HHAT: variants seen among roughly 807,000 people sequenced by gnomAD.
HHAT encodes hedgehog acyltransferase.
A neutral mutation model predicts 70.8 loss-of-function variants in HHAT; 47 were observed. That is an observed-to-expected ratio of 0.66 (90% CI 0.53 to 0.85). HHAT has a LOEUF of 0.85. Among genes scored for constraint, HHAT ranks in the 40% least tolerant of loss-of-function variants. The pLI, the probability that HHAT is intolerant of heterozygous loss-of-function variation, is 0.00. For synonymous variants in HHAT, 228 were observed against 247.6 expected, an observed-to-expected ratio of 0.92 and a Z score of 0.74; for missense variants, 609 against 604.8, an observed-to-expected ratio of 1.01 and a Z score of -0.07.
At chr1:210,629,005 C>T (rs1670372361) in intron 11 of HHAT, among the ~76,000 whole-genome samples, 1 of 152,178 alleles carries the variant, frequency 6.6e-6, no homozygotes, top group African/African-American at 2.4e-5. Flanking sequence ...TCACTGCTAT[C>T]ATTGATTGTG....
At chr1:210,368,318 A>T (rs988496989) in intron 3 of HHAT, among the ~76,000 whole-genome samples, 1 of 152,078 alleles carries the variant, frequency 6.6e-6, no homozygotes, top group African/African-American at 2.4e-5. Context: ...AAAAAAATGT[A>T]TGTATTTTTT....
At chr1:210,462,397 T>C (rs2093997507) in intron 7 of HHAT, 2 of 152,228 alleles carry the variant, frequency 1.3e-5, no homozygotes, top group Admixed American at 6.5e-5. Context: ...AGCCTAGTGG[T>C]TCATTTTGCA....
chr1:210,357,892 A>G (rs6540589), intron 2 of HHAT, among the ~76,000 whole-genome samples: 41,543 of 152,116 alleles, frequency 0.27, 7,330 homozygotes, highest in African/African-American at 0.51. Flanking sequence ...GTATCATGTG[A>G]AACTTACATT....
intron 4 of HHAT, 40 bp downstream of exon 4, chr1:210,387,621 C>G (rs371842179): frequency 8.0e-6 from 12 of 1,499,586 alleles, no homozygotes; most frequent in Non-Finnish European, 1.0e-5. Flanking sequence ...GTGTGTTTTT[C>G]CTTTGCTTCT....
chr1:210,497,014 T>C (rs1474500864), intron 8 of HHAT, among the ~76,000 whole-genome samples: 1 of 152,232 alleles, frequency 6.6e-6, no homozygotes, highest in African/African-American at 2.4e-5. Context: ...TTACAGAATA[T>C]GTTACAGGGG....
At chr1:210,521,154 T>C (rs1386039761) in intron 9 of HHAT, among the ~76,000 whole-genome samples, 5 of 152,230 alleles carry the variant, frequency 3.3e-5, no homozygotes, top group African/African-American at 4.8e-5. Flanking sequence ...ATTCAGTTCA[T>C]ACAAATGCCA....
At chr1:210,555,216 C>T (rs965025331) in intron 9 of HHAT, among the ~76,000 whole-genome samples, 3 of 152,186 alleles carry the variant, frequency 2.0e-5, no homozygotes, top group African/African-American at 7.2e-5. Flanking sequence ...ACAGAGGCTA[C>T]CTCCTTGCCA....
intron 9 of HHAT, among the ~76,000 whole-genome samples, chr1:210,583,430 G>C (rs1234402797): frequency 6.6e-6 from 1 of 152,114 alleles, no homozygotes; most frequent in Non-Finnish European, 1.5e-5. Flanking sequence ...TCTTCCATTG[G>C]GAAATCAATT....
intron 7 of HHAT, among the ~76,000 whole-genome samples, chr1:210,427,947 A>G (rs2093117410): frequency 6.6e-6 from 1 of 151,928 alleles, no homozygotes; most frequent in South Asian, 2.1e-4. Context: ...AAAGTCTCTA[A>G]GAACTTGTTT....
At chr1:210,555,097 C>A (rs1172750738) in intron 9 of HHAT, among the ~76,000 whole-genome samples, 2 of 152,056 alleles carry the variant, frequency 1.3e-5, no homozygotes, top group African/African-American at 4.8e-5. Flanking sequence ...AAGGGGGATC[C>A]CCTCAAGGAA....
At chr1:210,513,306 C>A in intron 9 of HHAT, 118 bp downstream of exon 9, 1 of 566,922 alleles carries the variant, frequency 1.8e-6, no homozygotes, top group Non-Finnish European at 3.1e-6. Context: ...ATATACTTGT[C>A]AAGAAAACAT....
At chr1:210,451,213 G>A (rs980284146) in intron 7 of HHAT, among the ~76,000 whole-genome samples, 5 of 152,074 alleles carry the variant, frequency 3.3e-5, no homozygotes, top group East Asian at 1.9e-4. Context: ...CTGGGTCGCC[G>A]CTGATCTTTG....
intron 9 of HHAT, among the ~76,000 whole-genome samples, chr1:210,583,596 C>T (rs1231574058): frequency 6.6e-6 from 1 of 152,178 alleles, no homozygotes; most frequent in Non-Finnish European, 1.5e-5. Flanking sequence ...CACGTACTGT[C>T]TTCTATAAAT....
chr1:210,577,736 T>C (rs1184110278), intron 9 of HHAT, among the ~76,000 whole-genome samples: 2 of 140,512 alleles, frequency 1.4e-5, no homozygotes, highest in Non-Finnish European at 3.0e-5. Context: ...CAACCTTGCC[T>C]CCTGAGTTCA....
In HHAT at chr1:210,348,981, G is replaced by T; in HGVS notation, c.6G>T (p.Leu2=). The T allele has an allele frequency of 1.2e-6, 2 of 1,613,940 alleles. No individual in the cohort carries two copies. Among genetic ancestry groups the T allele is most frequent in the Non-Finnish European group, 1.7e-6 (2 of 1,179,926 alleles). The change falls in exon 2 of 12, where the codon CTG becomes CTT. Residue 2 remains leucine, a synonymous_variant. Transcript: ENST00000261458. M[L]PRWELALYLL... ...AACCTTCGTGCCAAGGAGCCATGCT[G>T]CCCCGATGGGAACTGGCACTTTACC... is the stretch of plus-strand genomic sequence containing the variant.
chr1:210,621,820 A>G (rs954732579), intron 10 of HHAT, among the ~76,000 whole-genome samples: 3 of 152,182 alleles, frequency 2.0e-5, no homozygotes, highest in East Asian at 1.9e-4. Flanking sequence ...CAGAACAACC[A>G]TGATCGGGCA....
chr1:210,475,494 G>T (rs1273273150), intron 8 of HHAT, among the ~76,000 whole-genome samples: 2 of 152,194 alleles, frequency 1.3e-5, no homozygotes, highest in Non-Finnish European at 2.9e-5. Flanking sequence ...GAGCCTCTCT[G>T]ATTGGGTTTT....
In HHAT at chr1:210,662,062, G is replaced by A. The variant is rs538978225; in HGVS notation, c.1391-12226G>A. 3.9e-5 allele frequency among the ~76,000 whole-genome samples: 6 copies of A among 152,270 alleles called. No homozygotes were observed. In the East Asian group the frequency reaches 1.2e-3, roughly 29 times the overall value. ...TATCTTATTCAATTTTAACTTATTAGTGTTAGTTCATCCTCACAGCCTACC... is the reference window on the plus strand; with the variant it reads ...TATCTTATTCAATTTTAACTTATTAATGTTAGTTCATCCTCACAGCCTACC... On this transcript the variant is annotated intron_variant, in intron 11 of 11. Coordinates refer to ENST00000261458, the MANE Select transcript of HHAT (RefSeq NM_018194.6).
At chr1:210,489,571 G>T (rs1458993631) in intron 8 of HHAT, among the ~76,000 whole-genome samples, 1 of 152,210 alleles carries the variant, frequency 6.6e-6, no homozygotes, top group Non-Finnish European at 1.5e-5. Context: ...TAGCTTGTCA[G>T]TTCCCCTTGA....
Sources: gnomAD v4.1 joint callset for allele counts (sites outside exome capture counted in the v4.1 genomes callset) on GRCh38, gnomAD v4.1.1 for gene constraint, MANE v1.5 for transcripts, NCBI Gene and HGNC (gene_info 2026-07-23, HGNC 2026-07-21) for gene names.